Variants in USP22 observed in about 807,000 individuals in gnomAD.
USP22 encodes the protein ubiquitin specific peptidase 22.
Under a neutral mutation model 68.1 loss-of-function variants are expected in USP22, and 22 were observed. The ratio of observed to expected loss-of-function variants is 0.32; its 90% CI spans 0.23 to 0.46. The LOEUF is 0.46. Among genes scored for constraint, USP22 ranks in the 20% least tolerant of loss-of-function variants. The probability of loss-of-function intolerance (pLI) is 1.00; values close to 1 mark genes in which losing one functional copy is unlikely to be tolerated. For synonymous variants in USP22, 279 were observed against 274.2 expected, an observed-to-expected ratio of 1.02 and a Z score of -0.17; for missense variants, 433 against 695.8, an observed-to-expected ratio of 0.62 and a Z score of 4.25.
At position 21,002,658 on chromosome 17, in the gene USP22, C is replaced by T. The variant is rs149896946; in HGVS notation, c.*373G>A. 55 of 291,814 alleles carry T rather than the reference C, an allele frequency of 1.9e-4. No individual in the cohort carries two copies. The highest frequency in any genetic ancestry group is 1.0e-3 in the African/African-American group (48 of 45,934). The allele number at this position is 291,814 out of a possible 1,614,324, so 18.1% of individuals were successfully genotyped here. On this transcript the variant is annotated 3_prime_UTR_variant, in exon 13 of 13. Transcript: ENST00000261497. The stretch of plus-strand genomic sequence containing the variant: ...CTGCTTTCATGGACCCATAATCTTA[C>T]AGCAGGTAGGGGCCTTTCCACACCG...
chr17:21,010,751 G>A (rs1236007139), intron 8 of USP22, among the ~76,000 whole-genome samples: 2 of 151,974 alleles, frequency 1.3e-5, no homozygotes, highest in Admixed American at 1.3e-4. Flanking sequence ...AGCCCTAAGA[G>A]TACAGAACAT....
In USP22 at chr17:21,002,658, C is replaced by G. The variant is rs149896946; in HGVS notation, c.*373G>C. ...CTGCTTTCATGGACCCATAATCTTA[C>G]AGCAGGTAGGGGCCTTTCCACACCG... On this transcript the variant is annotated 3_prime_UTR_variant, in exon 13 of 13. Coordinates refer to ENST00000261497, the MANE Select transcript of USP22 (RefSeq NM_015276.2). 621 of 291,814 alleles carry G rather than the reference C, an allele frequency of 2.1e-3. 5 individuals carry two copies. The highest frequency in any genetic ancestry group is 3.2e-3 in the South Asian group (95 of 29,480). The allele number at this position is 291,814 out of a possible 1,614,324, so 18.1% of individuals were successfully genotyped here.
Position 21,042,962 on chromosome 17 carries a change from G to T in USP22, c.-127C>A. 5.9e-6 allele frequency: 3 copies of T among 512,024 alleles called. No homozygotes were observed. The highest frequency in any genetic ancestry group is 8.7e-6 in the Non-Finnish European group (3 of 345,486). 31.7% of individuals were successfully genotyped at this position (512,024 alleles called of 1,614,324 possible). On this transcript the variant is annotated 5_prime_UTR_variant, in exon 1 of 13. Coordinates refer to ENST00000261497, the MANE Select transcript of USP22 (RefSeq NM_015276.2). The stretch of plus-strand genomic sequence containing the variant: ...GGCCCGGGCGCCGAGAACAAAGCGC[G>T]GAGGCCGGACAAAGATGGGGCTGCG...
intron 2 of USP22, among the ~76,000 whole-genome samples, chr17:21,025,957 A>T (rs187009671): frequency 1.4e-3 from 219 of 152,340 alleles, no homozygotes; most frequent in African/African-American, 4.9e-3. Flanking sequence ...ACCGACTTGT[A>T]GACTTAAAAA....
At chr17:21,005,200 T>C in intron 10 of USP22, 1 of 581,798 alleles carries the variant, frequency 1.7e-6, no homozygotes, top group Non-Finnish European at 3.0e-6. Context: ...ACCTGGGTCC[T>C]GAGGCCACCT....
chr17:21,038,395 AGAGGTGGCTCATGCCT>A (rs1311875748), intron 1 of USP22, among the ~76,000 whole-genome samples: 3 of 152,128 alleles, frequency 2.0e-5, no homozygotes, highest in East Asian at 3.9e-4. Context: ...GATGGCTGGG[AGAGGTGGCTCATGCCT>A]GTAATGCCAG....
chr17:21,007,077 C>T (rs910243822), intron 9 of USP22, 90 bp from the exon 10 acceptor site: 4 of 1,091,844 alleles, frequency 3.7e-6, no homozygotes, highest in Non-Finnish European at 3.9e-6. Context: ...TGACAGGTGT[C>T]TGTGTTATCT....
At chr17:21,009,594 T>C (rs1000026081) in intron 8 of USP22, among the ~76,000 whole-genome samples, 3 of 152,226 alleles carry the variant, frequency 2.0e-5, no homozygotes, top group Non-Finnish European at 4.4e-5. Context: ...CCTGCTGTTT[T>C]GGCAAAGCTT....
intron 6 of USP22, among the ~76,000 whole-genome samples, chr17:21,015,377 G>T (rs931169102): frequency 6.6e-6 from 1 of 152,204 alleles, no homozygotes; most frequent in African/African-American, 2.4e-5. Context: ...GGGTGATTAA[G>T]TTGTGTTTGG....
chr17:21,042,242 C>G (rs1972443783), intron 1 of USP22: 1 of 156,894 alleles, frequency 6.4e-6, no homozygotes, highest in Non-Finnish European at 1.4e-5. Context: ...CGCCCGGGAC[C>G]GCCCACCGAA....
At position 20,999,767 on chromosome 17, in the gene USP22, C is replaced by A. The variant is rs1045162; in HGVS notation, c.*3264G>T. On this transcript the variant is annotated 3_prime_UTR_variant, in exon 13 of 13. Coordinates refer to ENST00000261497, the MANE Select transcript of USP22 (RefSeq NM_015276.2). ...GAATTTTTTTCTTCATTTTTATTTT[C>A]AAACTTACAGTAAACAAAACAATCA... The A allele has an allele frequency of 0.19, 29,131 of 152,210 alleles. 3,466 individuals are homozygous for A. Among genetic ancestry groups the A allele is most frequent in the South Asian group, 0.28 (1,345 of 4,822 alleles). The allele number at this position is 152,210 out of a possible 1,614,324, so 9.4% of individuals were successfully genotyped here. A position where few individuals can be genotyped will look rare whatever the true frequency, so the allele number is the denominator to read the frequency against.
At chr17:21,011,353 C>T in intron 7 of USP22, 44 bp from the exon 8 acceptor site, 1 of 1,549,756 alleles carries the variant, frequency 6.5e-7, no homozygotes, top group Non-Finnish European at 8.7e-7. Flanking sequence ...CTGACACCCA[C>T]CCAGCTCCAG....
chr17:21,013,428 C>T (rs563171901), intron 6 of USP22, among the ~76,000 whole-genome samples: 26 of 152,324 alleles, frequency 1.7e-4, no homozygotes, highest in African/African-American at 5.3e-4. Context: ...GCGTGTCTTC[C>T]AGTCAGTTGC....
chr17:21,016,631 G>A (rs1012759041), intron 5 of USP22, among the ~76,000 whole-genome samples: 3 of 152,254 alleles, frequency 2.0e-5, no homozygotes, highest in South Asian at 2.1e-4. Flanking sequence ...CGCAAGACAC[G>A]GGTGAATCCA....
chr17:21,015,817 T>C lies in USP22; in HGVS notation c.773A>G (p.Tyr258Cys), dbSNP rs1270042433. 6.2e-7 allele frequency: 1 copy of C among 1,614,046 alleles called. No individual in the cohort carries two copies. The highest frequency in any genetic ancestry group is 8.5e-7 in the Non-Finnish European group (1 of 1,180,000). The change falls in exon 6 of 13, where the codon TAC becomes TGC. Residue 258 changes from tyrosine (Y) to cysteine (C), a missense_variant. Physicochemically the swap from Tyr to Cys is radical, Grantham distance 194. Around this residue, in one of 4 missense-constraint regions of USP22, gnomAD observed 178 missense variants for 351.5 expected, o/e 0.51. Transcript: ENST00000261497. ...VWTHARHLAG[Y>C]EQQDAHEFLI... Reference sequence around the variant, plus strand: ...GAACTCGTGGGCGTCCTGCTGCTCGTAGCCTGCTAGGTGCCTCGCGTGGGT... The same window carrying C: ...GAACTCGTGGGCGTCCTGCTGCTCGCAGCCTGCTAGGTGCCTCGCGTGGGT...
intron 1 of USP22, among the ~76,000 whole-genome samples, chr17:21,029,055 T>C (rs567101582): frequency 1.3e-5 from 2 of 149,082 alleles, no homozygotes; most frequent in African/African-American, 5.0e-5. Context: ...GATTTGCAAA[T>C]CCAGGTTCCA....
At chr17:21,010,609 A>G (rs922549846) in intron 8 of USP22, among the ~76,000 whole-genome samples, 2 of 151,364 alleles carry the variant, frequency 1.3e-5, no homozygotes, top group African/African-American at 4.9e-5. Flanking sequence ...GGCTGCAGTG[A>G]GCAGAAATCG....
chr17:21,026,224 C>G (rs1369701136), intron 2 of USP22, among the ~76,000 whole-genome samples: 1 of 152,222 alleles, frequency 6.6e-6, no homozygotes, highest in Non-Finnish European at 1.5e-5. Flanking sequence ...TGCCATTGCA[C>G]AGCATGATAT....
intron 6 of USP22, among the ~76,000 whole-genome samples, chr17:21,014,793 T>C (rs1163433311): frequency 6.6e-6 from 1 of 152,164 alleles, no homozygotes; most frequent in Non-Finnish European, 1.5e-5. Context: ...CGGCTACAAC[T>C]AGCTGTGCCA....
Sources: allele counts gnomAD v4.1 joint callset (sites outside exome capture counted in the v4.1 genomes callset), GRCh38; gene constraint gnomAD v4.1.1; regional missense constraint gnomAD v4.1.1; transcripts MANE v1.5; gene names NCBI Gene and HGNC (gene_info 2026-07-23, HGNC 2026-07-21).